NAV1: variants seen among roughly 807,000 people sequenced by gnomAD.
NAV1 encodes pore membrane and/or filament interacting like protein 3.
Under a neutral mutation model 175.2 loss-of-function variants are expected in NAV1, and 18 were observed. The observed-to-expected ratio is 0.10, with a 90% CI of 0.07 to 0.15. The LOEUF is 0.15. NAV1 is among the 10% of genes least tolerant of loss of function. The pLI is 1.00. For synonymous variants in NAV1, 897 were observed against 978.7 expected, an observed-to-expected ratio of 0.92 and a Z score of 1.56; for missense variants, 1,731 against 2,436.6, an observed-to-expected ratio of 0.71 and a Z score of 6.10.
chr1:201,679,897 G>T (rs921176323), intron 1 of NAV1, among the ~76,000 whole-genome samples: 4 of 152,152 alleles, frequency 2.6e-5, no homozygotes, highest in Non-Finnish European at 5.9e-5. Flanking sequence ...TGAGAGACTT[G>T]TCTGCTCTCC....
At position 201,782,237 on chromosome 1, in the gene NAV1, A is replaced by G. The variant is rs201071220; in HGVS notation, c.1725A>G (p.Gln575=). 51 of 1,613,898 alleles carry G rather than the reference A, an allele frequency of 3.2e-5. No individual in the cohort carries two copies. The highest frequency in any genetic ancestry group is 2.3e-4 in the African/African-American group (17 of 75,040). ...TTGCAGTGAAGAATACTGGGCTCCA[A>G]CGCTCCTCCTCTGATGCTGGTCGGG... Residue 575 remains glutamine, a synonymous_variant, in exon 6 of 30, where the codon CAA becomes CAG. Transcript: ENST00000367296. This position sits in a 1 kb window ranked among gnomAD's most constrained non-coding sequence, Gnocchi z 5.4.
intron 1 of NAV1, among the ~76,000 whole-genome samples, chr1:201,657,772 C>T (rs980201155): frequency 6.6e-6 from 1 of 152,230 alleles, no homozygotes; most frequent in Non-Finnish European, 1.5e-5. Context: ...TGGTTCACAC[C>T]TGTAATCCCA....
chr1:201,767,465 T>A lies in NAV1; in HGVS notation c.1227-12956T>A, dbSNP rs939175580. On this transcript the variant is annotated intron_variant, in intron 3 of 29. Coordinates refer to ENST00000367296, the Ensembl canonical transcript of NAV1. ...GACTCCGCCTCAAAAAAAATAAAAA[T>A]AAAAATAAAAAGTAAAACAGGTAAA... 9.9e-5 allele frequency among the ~76,000 whole-genome samples: 15 copies of A among 151,728 alleles called. No individual in the cohort carries two copies. The East Asian group carries it at 2.5e-3, about 25-fold the overall frequency.
rs553299414 is a variant in NAV1, at chr1:201,713,729, A to G, written c.860+810A>G. Among the ~76,000 whole-genome samples, 466 of 152,264 alleles carry G rather than the reference A, an allele frequency of 3.1e-3. 2 individuals are homozygous for G. Among genetic ancestry groups the G allele is most frequent in the Non-Finnish European group, 3.7e-3 (249 of 68,012 alleles). On this transcript the variant is annotated intron_variant, in intron 2 of 29. Coordinates refer to ENST00000367296, the Ensembl canonical transcript of NAV1. ...AAATCATGGGGGGTGTGGGGCAGGA[A>G]GGCTGTGTGAGGGCTAGGAAGCCTC...
At chr1:201,632,044 C>G (rs1668492247) in intron 2 of NAV1, among the ~76,000 whole-genome samples, 1 of 152,142 alleles carries the variant, frequency 6.6e-6, no homozygotes, top group Non-Finnish European at 1.5e-5. Context: ...AAAGACCAAC[C>G]AGTCTTTCTC....
intron 1 of NAV1, among the ~76,000 whole-genome samples, chr1:201,571,412 G>C (rs575190605): frequency 7.9e-4 from 121 of 152,352 alleles, no homozygotes; most frequent in African/African-American, 2.8e-3. Context: ...TCAGGCCAGG[G>C]TAGAAGATAT....
chr1:201,670,804 TTGA>T (rs1276641875), intron 1 of NAV1, among the ~76,000 whole-genome samples: 2 of 151,638 alleles, frequency 1.3e-5, no homozygotes, highest in African/African-American at 4.9e-5. Context: ...TGGTGATGTT[TTGA>T]TGATGGTGGT....
At chr1:201,809,589 T>C (rs1191115761) in intron 22 of NAV1, 52 bp downstream of exon 26, 2 of 1,535,396 alleles carry the variant, frequency 1.3e-6, no homozygotes, top group Non-Finnish European at 1.8e-6. Flanking sequence ...GTGGAATATA[T>C]ATACTTTTTT....
intron 3 of NAV1, among the ~76,000 whole-genome samples, chr1:201,767,553 A>T (rs973458133): frequency 2.6e-5 from 4 of 152,246 alleles, no homozygotes; most frequent in Non-Finnish European, 5.9e-5. Flanking sequence ...TATGTAATTA[A>T]TATAGAAATT....
At chr1:201,702,492 A>G (rs1007745768) in intron 1 of NAV1, among the ~76,000 whole-genome samples, 2 of 152,040 alleles carry the variant, frequency 1.3e-5, no homozygotes, top group East Asian at 3.9e-4. Context: ...TCAGCCTCCC[A>G]AGTAGGTAGC....
chr1:201,681,543 C>T (rs569998591), intron 1 of NAV1, among the ~76,000 whole-genome samples: 221 of 152,330 alleles, frequency 1.5e-3, no homozygotes, highest in African/African-American at 5.0e-3. Context: ...GCTTCCTGTT[C>T]GGTCCAGCTG....
At chr1:201,658,043 A>G (rs1263507401) in intron 1 of NAV1, among the ~76,000 whole-genome samples, 4 of 152,140 alleles carry the variant, frequency 2.6e-5, no homozygotes, top group Non-Finnish European at 4.4e-5. Flanking sequence ...AATACAGGTA[A>G]TCTGCCCAAA....
At position 201,687,353 on chromosome 1, in the gene NAV1, T is replaced by C. The variant is rs141086891; in HGVS notation, c.758-25464T>C. 3.3e-3 allele frequency among the ~76,000 whole-genome samples: 503 copies of C among 152,262 alleles called. 4 individuals carry two copies. Among genetic ancestry groups the C allele is most frequent in the Admixed American group, 9.9e-3 (152 of 15,288 alleles). ...TCTATTGTGTATCCAGCCTCCCACCTCCTTTCCTTCAATGGGAGGATTGGT... is the reference window on the plus strand; with the variant it reads ...TCTATTGTGTATCCAGCCTCCCACCCCCTTTCCTTCAATGGGAGGATTGGT... On this transcript the variant is annotated intron_variant, in intron 1 of 29. Transcript: ENST00000367296.
chr1:201,772,120 G>A (rs531043625), intron 3 of NAV1, among the ~76,000 whole-genome samples: 2 of 152,210 alleles, frequency 1.3e-5, no homozygotes, highest in Non-Finnish European at 2.9e-5. Context: ...GGGAAATATA[G>A]TCTAGTGAAA....
chr1:201,822,822 C>T (rs557445219), exon 30 of NAV1: 6 of 152,648 alleles, frequency 3.9e-5, no homozygotes, highest in Non-Finnish European at 8.8e-5. Flanking sequence ...TGATCATTCT[C>T]ATGAAGGAAT....
intron 3 of NAV1, among the ~76,000 whole-genome samples, chr1:201,777,359 T>C (rs1676022684): frequency 6.6e-6 from 1 of 152,230 alleles, no homozygotes; most frequent in African/African-American, 2.4e-5. Context: ...AAACTGTTAA[T>C]AATAGTTACC....
intron 3 of NAV1, among the ~76,000 whole-genome samples, chr1:201,741,407 C>A (rs1292826234): frequency 6.6e-6 from 1 of 152,120 alleles, no homozygotes; most frequent in African/African-American, 2.4e-5. Flanking sequence ...ATAAAAGGAA[C>A]CAGTTTATGA....
At chr1:201,688,586 T>C (rs1166414364) in intron 1 of NAV1, among the ~76,000 whole-genome samples, 1 of 152,176 alleles carries the variant, frequency 6.6e-6, no homozygotes, top group Non-Finnish European at 1.5e-5. Context: ...AATCCCTTTT[T>C]GCGGGCTTTT....
At chr1:201,785,061 C>T (rs1184873254) in intron 7 of NAV1, among the ~76,000 whole-genome samples, 3 of 152,210 alleles carry the variant, frequency 2.0e-5, no homozygotes, top group African/African-American at 7.2e-5. Context: ...AGCTACGGCG[C>T]CCGGCCTAAC....
Sources: allele counts gnomAD v4.1 joint callset (sites outside exome capture counted in the v4.1 genomes callset), GRCh38; gene constraint gnomAD v4.1.1; non-coding constraint Gnocchi (gnomAD v3.1); transcripts MANE v1.5; gene names NCBI Gene and HGNC (gene_info 2026-07-23, HGNC 2026-07-21).